ARMC8: variants seen among roughly 807,000 people sequenced by gnomAD.
ARMC8 encodes the protein armadillo repeat containing 8, also known as armadillo repeat-containing protein 8.
Under a neutral mutation model 99.3 loss-of-function variants are expected in ARMC8, and 20 were observed. The ratio of observed to expected loss-of-function variants is 0.20; its 90% CI spans 0.14 to 0.29. ARMC8 has a LOEUF of 0.29. Among genes scored for constraint, ARMC8 ranks in the 10% least tolerant of loss-of-function variants. The pLI is 1.00. For missense variants in ARMC8, 569 were observed against 809.5 expected (o/e 0.70, Z 3.60); for synonymous variants, 263 against 278.3 (o/e 0.95, Z 0.55).
intron 1 of ARMC8, among the ~76,000 whole-genome samples, chr3:138,200,087 T>G (rs1157924079): frequency 6.6e-6 from 1 of 152,206 alleles, no homozygotes; most frequent in Non-Finnish European, 1.5e-5. Context: ...TTTGGCTATC[T>G]TGAAGTGGCA....
chr3:138,191,870 G>A (rs2043404128), intron 1 of ARMC8, among the ~76,000 whole-genome samples: 1 of 152,214 alleles, frequency 6.6e-6, no homozygotes, highest in Non-Finnish European at 1.5e-5. Flanking sequence ...ATTTCATGGT[G>A]TGGATGTACC....
At chr3:138,245,624 T>C in intron 12 of ARMC8, 1 of 996,474 alleles carries the variant, frequency 1.0e-6, no homozygotes, top group Non-Finnish European at 1.2e-6. Context: ...TAGTTTTATG[T>C]TTTGATTTTT....
intron 3 of ARMC8, among the ~76,000 whole-genome samples, chr3:138,222,921 C>G (rs761750000): frequency 6.6e-6 from 1 of 152,138 alleles, no homozygotes; most frequent in Non-Finnish European, 1.5e-5. Context: ...AAAGAAGAAA[C>G]TACCTTTGCT....
At chr3:138,190,281 C>CTTTTTTTTTTTTTTT (rs141579108) in intron 1 of ARMC8, among the ~76,000 whole-genome samples, 5 of 114,356 alleles carry the variant, frequency 4.4e-5, no homozygotes, top group African/African-American at 7.1e-5. Flanking sequence ...ATTTTCTTAT[C>CTTTTTTTTTTTTTTT]TTTTTTTTTT....
intron 16 of ARMC8, among the ~76,000 whole-genome samples, chr3:138,271,051 A>G (rs1307836630): frequency 1.3e-5 from 2 of 152,200 alleles, no homozygotes; most frequent in Non-Finnish European, 2.9e-5. Flanking sequence ...CTCACAGTTA[A>G]TAATGGAAAT....
chr3:138,254,691 A>G (rs2047295801), intron 12 of ARMC8, among the ~76,000 whole-genome samples: 2 of 152,224 alleles, frequency 1.3e-5, no homozygotes, highest in African/African-American at 2.4e-5. Flanking sequence ...TTTCTGCAGT[A>G]TAAGTATTTC....
At chr3:138,263,644 A>G (rs1236126505) in intron 12 of ARMC8, 95 bp from the exon 13 acceptor site, 1 of 1,131,364 alleles carries the variant, frequency 8.8e-7, no homozygotes, top group African/African-American at 1.5e-5. Flanking sequence ...AAACAACGTT[A>G]AACTTTTAAT....
At chr3:138,237,614 CAATAT>C in intron 9 of ARMC8, 42 bp downstream of exon 9, 1 of 1,527,298 alleles carries the variant, frequency 6.5e-7, no homozygotes, top group East Asian at 2.3e-5. Flanking sequence ...AGTGCTTTAT[CAATAT>C]CTTAGAGTAT....
rs2043122587 is a variant in ARMC8, at chr3:138,187,411, T to C, written c.-144T>C. The C allele has an allele frequency of 1.4e-6, 1 of 740,348 alleles. No homozygotes were observed. The highest frequency in any genetic ancestry group is 2.6e-5 in the Admixed American group (1 of 38,264). 45.9% of individuals were successfully genotyped at this position (740,348 alleles called of 1,614,324 possible). A position where few individuals can be genotyped will look rare whatever the true frequency, so the allele number is the denominator to read the frequency against. ...CCCTTCTTTCTGCGGGCCTTTCCGG[T>C]ACTTGAGCGGTGTCCAGAGCGTGGC... is the stretch of plus-strand genomic sequence containing the variant. On this transcript the variant is annotated 5_prime_UTR_variant, in exon 1 of 22. Transcript: ENST00000469044.
intron 12 of ARMC8, among the ~76,000 whole-genome samples, chr3:138,260,585 G>T (rs2047661265): frequency 6.6e-6 from 1 of 152,168 alleles, no homozygotes; most frequent in South Asian, 2.1e-4. Flanking sequence ...AGAATTTTCT[G>T]TCACATCTCT....
intron 6 of ARMC8, among the ~76,000 whole-genome samples, chr3:138,231,439 A>G (rs1375585197): frequency 6.6e-6 from 1 of 152,154 alleles, no homozygotes; most frequent in Non-Finnish European, 1.5e-5. Flanking sequence ...GGGGAGGGAA[A>G]AAGGGAGAGC....
At chr3:138,245,941 A>G in intron 12 of ARMC8, 2 of 985,498 alleles carry the variant, frequency 2.0e-6, no homozygotes, top group Non-Finnish European at 1.2e-6. Flanking sequence ...ATCAGAGAGC[A>G]AAACCACATG....
At chr3:138,250,886 C>T (rs2047091554) in intron 12 of ARMC8, among the ~76,000 whole-genome samples, 1 of 152,124 alleles carries the variant, frequency 6.6e-6, no homozygotes, top group Admixed American at 6.6e-5. Flanking sequence ...GTGGCTCACG[C>T]CTGTAATTCT....
At chr3:138,282,410 G>A (rs2050020646) in intron 18 of ARMC8, among the ~76,000 whole-genome samples, 1 of 152,160 alleles carries the variant, frequency 6.6e-6, no homozygotes, top group Non-Finnish European at 1.5e-5. Context: ...CACTTTGGGA[G>A]GCCAGGGCGG....
chr3:138,237,653 C>T, intron 9 of ARMC8, 81 bp downstream of exon 9: 1 of 1,076,494 alleles, frequency 9.3e-7, no homozygotes, highest in South Asian at 1.5e-5. Flanking sequence ...AATTTGCTTG[C>T]TTCCAATCCC....
chr3:138,193,015 C>G (rs2043480836), intron 1 of ARMC8, among the ~76,000 whole-genome samples: 1 of 152,150 alleles, frequency 6.6e-6, no homozygotes, highest in Non-Finnish European at 1.5e-5. Flanking sequence ...GTTGGCAAGG[C>G]TGGAGTGCAA....
chr3:138,194,309 C>G (rs1430464675), intron 1 of ARMC8, among the ~76,000 whole-genome samples: 1 of 145,090 alleles, frequency 6.9e-6, no homozygotes, highest in Non-Finnish European at 1.5e-5. Flanking sequence ...TCCCAAAATG[C>G]TGGGATTACA....
chr3:138,231,871 T>G (rs2046054583), intron 6 of ARMC8, among the ~76,000 whole-genome samples: 1 of 151,586 alleles, frequency 6.6e-6, no homozygotes, highest in African/African-American at 2.4e-5. Context: ...GCAGGTTGAT[T>G]TGGAGAAAGC....
At chr3:138,279,827 G>A (rs1009831072) in intron 18 of ARMC8, among the ~76,000 whole-genome samples, 4 of 152,014 alleles carry the variant, frequency 2.6e-5, no homozygotes, top group Non-Finnish European at 5.9e-5. Flanking sequence ...AACATAAAAC[G>A]GTTCATAATT....
Sources: allele counts gnomAD v4.1 joint callset (sites outside exome capture counted in the v4.1 genomes callset), GRCh38; gene constraint gnomAD v4.1.1; transcripts MANE v1.5; gene names NCBI Gene and HGNC (gene_info 2026-07-23, HGNC 2026-07-21).